The following BNC2 variants were observed in gnomAD, a reference collection of about 807,000 sequenced individuals.
BNC2 encodes the protein basonuclin zinc finger protein 2.
Under a neutral mutation model 76.3 loss-of-function variants are expected in BNC2, and 20 were observed. The observed-to-expected ratio is 0.26, with a 90% CI of 0.18 to 0.38. The LOEUF (loss-of-function observed/expected upper bound fraction) is 0.38. BNC2 is among the 10% of genes least tolerant of loss of function. The probability of loss-of-function intolerance (pLI) is 1.00; values close to 1 mark genes in which losing one functional copy is unlikely to be tolerated. For synonymous variants in BNC2, 582 were observed against 514.8 expected, an observed-to-expected ratio of 1.13 and a Z score of -1.77; for missense variants, 1,382 against 1,399.8, an observed-to-expected ratio of 0.99 and a Z score of 0.20.
intron 5 of BNC2, chr9:16,473,399 C>T (rs1244859594): frequency 6.6e-6 from 1 of 152,006 alleles, no homozygotes; most frequent in Non-Finnish European, 1.5e-5. Flanking sequence ...CTTATGAATT[C>T]CTTTAAGAAA....
At chr9:16,821,040 C>T (rs1263622165) in intron 1 of BNC2, among the ~76,000 whole-genome samples, 1 of 151,972 alleles carries the variant, frequency 6.6e-6, no homozygotes, top group Non-Finnish European at 1.5e-5. Context: ...CGAGACCAGC[C>T]TGGCCAACAT....
At chr9:16,512,779 A>C (rs10124554) in intron 5 of BNC2, among the ~76,000 whole-genome samples, 17,387 of 152,148 alleles carry the variant, frequency 0.11, 1,316 homozygotes, top group East Asian at 0.29. Context: ...TAGTTGTTTT[A>C]CTGGAGAAGG....
chr9:16,630,376 TAA>T (rs1821125541), intron 3 of BNC2, among the ~76,000 whole-genome samples: 1 of 152,196 alleles, frequency 6.6e-6, no homozygotes, highest in Non-Finnish European at 1.5e-5. Context: ...ATAAAAGCAT[TAA>T]AACTCAGTTA....
At chr9:16,425,003 TG>T (rs977893922) in intron 6 of BNC2, among the ~76,000 whole-genome samples, 147 of 152,310 alleles carry the variant, frequency 9.7e-4, no homozygotes, top group African/African-American at 3.4e-3. Context: ...CCAAAAGATC[TG>T]AAAACCATCC....
chr9:16,574,897 T>C (rs1442948549), intron 4 of BNC2, among the ~76,000 whole-genome samples: 5 of 152,330 alleles, frequency 3.3e-5, no homozygotes, highest in Middle Eastern at 3.4e-3. Flanking sequence ...AAGGCATTAC[T>C]AACAAAAGGC....
rs1262480016 is a variant in BNC2, at chr9:16,673,441, A to AC, written c.330+54355_330+54356insG. ...AACATTCTGAGATTTAAAAAAAAAA[A>AC]AAACACACACACACACACACACATA... On this transcript the variant is annotated intron_variant, in intron 3 of 6. Transcript: ENST00000380672. Among the ~76,000 whole-genome samples the AC allele has an allele frequency of 2.1e-3, 306 of 145,542 alleles. 1 individual carries two copies. Among genetic ancestry groups the AC allele is most frequent in the Middle Eastern group, 3.5e-3 (1 of 282 alleles).
intron 1 of BNC2, among the ~76,000 whole-genome samples, chr9:16,774,256 T>A (rs779416179): frequency 1.3e-5 from 2 of 152,230 alleles, no homozygotes; most frequent in Non-Finnish European, 2.9e-5. Flanking sequence ...GTGCTGGGAT[T>A]ACAGTCGTGA....
At chr9:16,777,925 T>C (rs1049964108) in intron 1 of BNC2, among the ~76,000 whole-genome samples, 6 of 152,082 alleles carry the variant, frequency 3.9e-5, no homozygotes, top group Non-Finnish European at 4.4e-5. Context: ...ACTGAAAATA[T>C]CTATACTGGC....
At chr9:16,750,660 T>C (rs1825163993) in intron 1 of BNC2, among the ~76,000 whole-genome samples, 1 of 152,226 alleles carries the variant, frequency 6.6e-6, no homozygotes, top group African/African-American at 2.4e-5. Context: ...AAGTTCAGTA[T>C]CTCTGAATTA....
intron 4 of BNC2, among the ~76,000 whole-genome samples, chr9:16,574,441 T>C (rs1819426362): frequency 6.6e-6 from 1 of 152,190 alleles, no homozygotes; most frequent in Non-Finnish European, 1.5e-5. Context: ...ATTCTCAAAA[T>C]GACTTTTGGT....
At chr9:16,845,624 G>T (rs552959511) in intron 1 of BNC2, among the ~76,000 whole-genome samples, 3 of 152,268 alleles carry the variant, frequency 2.0e-5, no homozygotes, top group African/African-American at 7.2e-5. Context: ...GGGAGGCCGA[G>T]GCAGGAGAAT....
chr9:16,630,354 G>A (rs1372785583), intron 3 of BNC2, among the ~76,000 whole-genome samples: 2 of 152,164 alleles, frequency 1.3e-5, no homozygotes, highest in Non-Finnish European at 2.9e-5. Context: ...CCAAAATTAT[G>A]ATTAAATTAT....
intron 3 of BNC2, among the ~76,000 whole-genome samples, chr9:16,686,591 T>C (rs1003226555): frequency 1.3e-5 from 2 of 152,206 alleles, no homozygotes; most frequent in Non-Finnish European, 2.9e-5. Context: ...AGCACTCCTC[T>C]GTTTTGTTTT....
At chr9:16,731,351 A>G (rs958776511) in intron 2 of BNC2, among the ~76,000 whole-genome samples, 14 of 152,234 alleles carry the variant, frequency 9.2e-5, no homozygotes, top group African/African-American at 3.4e-4. Flanking sequence ...ACATTTACTG[A>G]TAGTGAGAGA....
chr9:16,817,709 GA>G (rs567904001), intron 1 of BNC2, among the ~76,000 whole-genome samples: 118 of 152,264 alleles, frequency 7.7e-4, no homozygotes, highest in Non-Finnish European at 1.3e-3. Context: ...GCCAGCAACA[GA>G]AGTAGATCCA....
intron 1 of BNC2, among the ~76,000 whole-genome samples, chr9:16,846,053 T>C (rs1818975700): frequency 6.7e-6 from 1 of 149,910 alleles, no homozygotes; most frequent in Non-Finnish European, 1.5e-5. Context: ...CGCAGGAGAA[T>C]GGCGTGAACC....
rs112675388 is a variant in BNC2 at position 16,774,470 on chromosome 9, C to T, written c.4-35985G>A. On this transcript the variant is annotated intron_variant, in intron 1 of 6. Coordinates refer to ENST00000380672, the MANE Select transcript of BNC2 (RefSeq NM_017637.6). Reference sequence around the variant, plus strand: ...CAACCTTACATTCTATCAGGCCTGACATACAGACCATAGCTTGTGCTGTAG... The same window carrying T: ...CAACCTTACATTCTATCAGGCCTGATATACAGACCATAGCTTGTGCTGTAG... Among the ~76,000 whole-genome samples, 258 of 152,326 alleles carry T rather than the reference C, an allele frequency of 1.7e-3. 3 individuals are homozygous for T. Among genetic ancestry groups the T allele is most frequent in the Admixed American group, 2.7e-3 (41 of 15,302 alleles).
chr9:16,632,286 T>G (rs1166826751), intron 3 of BNC2, among the ~76,000 whole-genome samples: 2 of 152,174 alleles, frequency 1.3e-5, no homozygotes, highest in African/African-American at 4.8e-5. Context: ...TCAGACAGTC[T>G]TGCTCCTCCT....
intron 3 of BNC2, among the ~76,000 whole-genome samples, chr9:16,610,489 T>C (rs990531786): frequency 3.9e-5 from 6 of 152,198 alleles, no homozygotes; most frequent in African/African-American, 1.4e-4. Context: ...TAAATTACTA[T>C]AATTTATCAG....
Sources: allele counts gnomAD v4.1 joint callset (sites outside exome capture counted in the v4.1 genomes callset), GRCh38; gene constraint gnomAD v4.1.1; transcripts MANE v1.5; gene names NCBI Gene and HGNC (gene_info 2026-07-23, HGNC 2026-07-21).